FAH: variants seen among roughly 807,000 people sequenced by gnomAD.
FAH encodes the protein fumarylacetoacetate hydrolase.
FAH carries 47 observed loss-of-function variants against 55.8 expected under a neutral mutation model. The ratio of observed to expected loss-of-function variants is 0.84; its 90% CI spans 0.67 to 1.07. The LOEUF (loss-of-function observed/expected upper bound fraction) is 1.07, where lower values mean the gene tolerates loss of function less well. Ranked by LOEUF, FAH falls within the 50% of genes least tolerant of loss-of-function variation. The probability of loss-of-function intolerance (pLI) is 0.00; values close to 1 mark genes in which losing one functional copy is unlikely to be tolerated. For synonymous variants in FAH, 199 were observed against 207.7 expected (o/e 0.96, Z 0.36); for missense variants, 495 against 545.9 (o/e 0.91, Z 0.93).
At chr15:80,162,744 G>A (rs575974047) in intron 5 of FAH, 12 of 279,450 alleles carry the variant, frequency 4.3e-5, no homozygotes, top group East Asian at 1.7e-4. Context: ...ACATGTGATC[G>A]GTTTCATTCA....
At chr15:80,178,957 G>T (rs2041307336) in intron 11 of FAH, among the ~76,000 whole-genome samples, 1 of 152,150 alleles carries the variant, frequency 6.6e-6, no homozygotes, top group African/African-American at 2.4e-5. Flanking sequence ...GTTGTTTTTG[G>T]CTATCACAGA....
intron 7 of FAH, among the ~76,000 whole-genome samples, chr15:80,169,211 C>T (rs1339331462): frequency 2.0e-5 from 3 of 152,054 alleles, no homozygotes; most frequent in African/African-American, 7.2e-5. Flanking sequence ...GGTGAAACCC[C>T]GTCTCTACTA....
chr15:80,186,279 T>C lies in FAH; in HGVS notation c.*70T>C. 4 of 1,306,862 alleles carry C rather than the reference T, an allele frequency of 3.1e-6. No homozygotes were observed. The highest frequency in any genetic ancestry group is 4.4e-6 in the Non-Finnish European group (4 of 900,214). The allele number at this position is 1,306,862 out of a possible 1,614,324, so 81.0% of individuals were successfully genotyped here. On this transcript the variant is annotated 3_prime_UTR_variant, in exon 14 of 14. Coordinates refer to ENST00000561421, the MANE Select transcript of FAH (RefSeq NM_000137.4). ...TCAACCCTGTGACTGGGGTCCTCCCTCGGGCTGTAGGCCTGGTCCGCCATT... is the reference window on the plus strand; with the variant it reads ...TCAACCCTGTGACTGGGGTCCTCCCCCGGGCTGTAGGCCTGGTCCGCCATT...
At position 80,177,555 on chromosome 15, in the gene FAH, C is replaced by A. The variant is rs529709868; in HGVS notation, c.932C>A (p.Ala311Glu). Residue 311 changes from alanine to glutamate, a missense_variant, in exon 11 of 14, where the codon GCG (alanine) becomes GAG (glutamate). Physicochemically the swap from Ala to Glu is moderately radical, Grantham distance 107. Transcript: ENST00000561421. ...VNLKGEGMSQ[A>E]ATICKSNFKY... ...CCAACAGGAGAAGGAATGAGCCAGGCGGCTACCATATGCAAGTCCAATTTT... is the reference window on the plus strand; with the variant it reads ...CCAACAGGAGAAGGAATGAGCCAGGAGGCTACCATATGCAAGTCCAATTTT... 9.3e-6 allele frequency: 15 copies of A among 1,613,784 alleles called. No individual in the cohort carries two copies. In the South Asian group the frequency reaches 1.4e-4, roughly 15 times the overall value.
intron 13 of FAH, among the ~76,000 whole-genome samples, chr15:80,181,376 T>G (rs1034612711): frequency 1.3e-5 from 2 of 152,144 alleles, no homozygotes; most frequent in African/African-American, 4.8e-5. Context: ...CTGTAGACAT[T>G]CTGCTTGGTC....
chr15:80,172,261 G>A lies in FAH; in HGVS notation c.706+13G>A. On this transcript the variant is annotated intron_variant, in intron 8 of 13. Coordinates refer to ENST00000561421, the MANE Select transcript of FAH (RefSeq NM_000137.4). The stretch of plus-strand genomic sequence containing the variant: ...AACGACTGGAGTGGTAATTACTGGA[G>A]CTCTGCTCCTGTAGAGATGACGGGG... The A allele has an allele frequency of 6.3e-7, 1 of 1,580,198 alleles. No individual in the cohort carries two copies. The highest frequency in any genetic ancestry group is 8.7e-7 in the Non-Finnish European group (1 of 1,149,176).
chr15:80,155,911 A>G (rs1055088824), intron 1 of FAH: 7 of 477,880 alleles, frequency 1.5e-5, no homozygotes, highest in African/African-American at 7.9e-5. Flanking sequence ...TTCTACCGCT[A>G]TCTACTACAA....
intron 9 of FAH, 64 bp from the exon 10 acceptor site, chr15:80,174,952 G>A (rs2041269874): frequency 7.0e-7 from 1 of 1,430,362 alleles, no homozygotes; most frequent in Non-Finnish European, 9.8e-7. Context: ...GCTGGTATGG[G>A]GGCCCAGCCG....
intron 5 of FAH, chr15:80,165,946 T>G (rs1451490128): frequency 2.0e-5 from 3 of 152,068 alleles, no homozygotes; most frequent in Non-Finnish European, 4.4e-5. Context: ...ACAAAATAAT[T>G]TATCAAACAT....
intron 11 of FAH, 83 bp from the exon 12 acceptor site, chr15:80,180,041 C>G: frequency 4.4e-6 from 4 of 908,332 alleles, no homozygotes; most frequent in East Asian, 2.6e-5. Flanking sequence ...CGGTCGTGAG[C>G]AGGGCAGGCT....
intron 4 of FAH, 56 bp downstream of exon 4, chr15:80,160,515 G>T (rs1454892423): frequency 6.4e-7 from 1 of 1,552,234 alleles, no homozygotes; most frequent in Non-Finnish European, 8.9e-7. Context: ...GGCCAAGAGG[G>T]CTGGCCAGGT....
chr15:80,186,598 T>C (rs945318004), downstream of FAH: 7 of 284,992 alleles, frequency 2.5e-5, no homozygotes, highest in African/African-American at 1.5e-4. Flanking sequence ...ATTTATTGAT[T>C]GATTGATTGA....
At chr15:80,168,344 T>C (rs983681015) in intron 7 of FAH, 28 bp downstream of exon 7, 31 of 1,610,230 alleles carry the variant, frequency 1.9e-5, no homozygotes, top group Non-Finnish European at 2.5e-5. Context: ...TTTATTGCCA[T>C]GGGATCTATA....
chr15:80,154,323 G>C (rs1361154426), intron 1 of FAH, among the ~76,000 whole-genome samples: 2 of 152,246 alleles, frequency 1.3e-5, no homozygotes, highest in African/African-American at 2.4e-5. Context: ...ACATTTGTGA[G>C]AGGCAGGCAC....
intron 4 of FAH, among the ~76,000 whole-genome samples, chr15:80,161,462 T>G (rs1182535224): frequency 1.3e-5 from 2 of 152,168 alleles, no homozygotes; most frequent in African/African-American, 4.8e-5. Flanking sequence ...TCCAGCATTT[T>G]TTTTTTTTGA....
intron 12 of FAH, chr15:80,180,431 C>T (rs373407083): frequency 2.4e-5 from 14 of 580,696 alleles, no homozygotes; most frequent in Admixed American, 5.4e-5. Flanking sequence ...GGTGTGAGAA[C>T]GGAAGCCTGG....
chr15:80,174,252 G>A (rs1297847469), intron 9 of FAH, among the ~76,000 whole-genome samples: 1 of 152,146 alleles, frequency 6.6e-6, no homozygotes, highest in Non-Finnish European at 1.5e-5. Flanking sequence ...CCAGTCATCT[G>A]CCTTCTTCCG....
Position 80,186,195 on chromosome 15 carries a change from C to T in FAH, c.1246C>T (p.Leu416Phe), listed in dbSNP as rs1291327211. 2.5e-6 allele frequency: 4 copies of T among 1,613,956 alleles called. No individual in the cohort carries two copies. In the South Asian group the frequency reaches 4.4e-5, roughly 18 times the overall value. Residue 416 changes from leucine to phenylalanine, a missense_variant, in exon 14 of 14, where the codon CTC (leucine) becomes TTC (phenylalanine). Coordinates refer to ENST00000561421, the MANE Select transcript of FAH (RefSeq NM_000137.4). ...GTGTGCTGGAAAAGTGCTGCCTGCT[C>T]TCCTGCCATCATGAGATTTTCTCTG... is the stretch of plus-strand genomic sequence containing the variant. ...GQCAGKVLPA[L>F]LPS is the part of the protein sequence containing the mutation.
chr15:80,163,699 A>G (rs1022584081), intron 5 of FAH: 4 of 152,254 alleles, frequency 2.6e-5, no homozygotes, highest in Non-Finnish European at 5.9e-5. Flanking sequence ...CAAACACTAC[A>G]GAAAATATGT....
Sources: allele counts gnomAD v4.1 joint callset (sites outside exome capture counted in the v4.1 genomes callset), GRCh38; gene constraint gnomAD v4.1.1; transcripts MANE v1.5; gene names NCBI Gene and HGNC (gene_info 2026-07-23, HGNC 2026-07-21).